Variants in KIRREL3 observed in about 807,000 individuals in gnomAD.
KIRREL3 encodes kirre like nephrin family adhesion molecule 3.
KIRREL3 carries 36 observed loss-of-function variants against 89.7 expected under a neutral mutation model. That is an observed-to-expected ratio of 0.40 (90% confidence interval 0.31 to 0.53). The LOEUF (loss-of-function observed/expected upper bound fraction) is 0.53, where lower values mean the gene tolerates loss of function less well. KIRREL3 is among the 20% of genes least tolerant of loss of function. The pLI is 0.49. For synonymous variants in KIRREL3, 445 were observed against 441.4 expected (o/e 1.01, Z -0.10); for missense variants, 864 against 1,056.6 (o/e 0.82, Z 2.53).
intron 7 of KIRREL3, among the ~76,000 whole-genome samples, chr11:126,450,450 C>T (rs1956010649): frequency 1.5e-5 from 2 of 130,312 alleles, no homozygotes; most frequent in African/African-American, 3.4e-5. Context: ...TGTATGTGCG[C>T]ATCTGTGAGT....
At chr11:126,854,489 T>C (rs1944445403) in intron 1 of KIRREL3, among the ~76,000 whole-genome samples, 3 of 152,216 alleles carry the variant, frequency 2.0e-5, no homozygotes, top group African/African-American at 7.2e-5. Context: ...TTGTTCTTCT[T>C]TGTCTGGCTT....
At chr11:126,770,962 A>C (rs1171080007) in intron 1 of KIRREL3, among the ~76,000 whole-genome samples, 1 of 152,062 alleles carries the variant, frequency 6.6e-6, no homozygotes, top group Non-Finnish European at 1.5e-5. Context: ...CAGCCTCCCG[A>C]GTAGCTGGGA....
chr11:126,898,058 A>G lies in KIRREL3; in HGVS notation c.55+102397T>C, dbSNP rs936024434. ...GGCCTGGAGCTCACATGGGTTGGGA[A>G]GTTTGGACAACTGTCTTGTAGAATC... On this transcript the variant is annotated intron_variant, in intron 1 of 16. Transcript: ENST00000525144. This position sits in a 1 kb window ranked among gnomAD's most constrained non-coding sequence, Gnocchi z 4.9. 6.6e-6 allele frequency among the ~76,000 whole-genome samples: 1 copy of G among 152,152 alleles called. No individual in the cohort carries two copies. The highest frequency in any genetic ancestry group is 2.4e-5 in the African/African-American group (1 of 41,436).
rs1945838811 is a variant in KIRREL3, at chr11:126,669,501, G to A, written c.56-106589C>T. ...TATGTATTTAAGGGCTTAATCATGG[G>A]CGGTTAGATTTTTAACTTCTGGTTC... On this transcript the variant is annotated intron_variant, in intron 1 of 16. Transcript: ENST00000525144. The surrounding 1 kb of genome is among the most constrained non-coding windows in gnomAD (Gnocchi z 5.0). Among the ~76,000 whole-genome samples the A allele has an allele frequency of 6.6e-6, 1 of 152,144 alleles. No homozygotes were observed. Among genetic ancestry groups the A allele is most frequent in the African/African-American group, 2.4e-5 (1 of 41,426 alleles).
At chr11:126,426,897 C>A (rs957885427) in intron 15 of KIRREL3, among the ~76,000 whole-genome samples, 1 of 152,222 alleles carries the variant, frequency 6.6e-6, no homozygotes, top group African/African-American at 2.4e-5. Flanking sequence ...TCTTTCCCAT[C>A]AGATTCAACT....
In KIRREL3 at chr11:126,587,847, A is replaced by T. The variant is rs537340853; in HGVS notation, c.56-24935T>A. On this transcript the variant is annotated intron_variant, in intron 1 of 16. Transcript: ENST00000525144. This position sits in a 1 kb window ranked among gnomAD's most constrained non-coding sequence, Gnocchi z 5.2. ...AATTCTTATTGCCATCTATCTTTTC[A>T]CTTCTTTTTAGTTTTCATGAGAGTG... is the stretch of plus-strand genomic sequence containing the variant. 4.6e-5 allele frequency among the ~76,000 whole-genome samples: 7 copies of T among 152,296 alleles called. No individual in the cohort carries two copies. In the South Asian group the frequency reaches 1.5e-3, roughly 32 times the overall value.
In KIRREL3 at chr11:126,844,590, C is replaced by G. The variant is rs1238700583; in HGVS notation, c.55+155865G>C. Among the ~76,000 whole-genome samples the G allele has an allele frequency of 6.6e-6, 1 of 152,092 alleles. No individual in the cohort carries two copies. The highest frequency in any genetic ancestry group is 1.5e-5 in the Non-Finnish European group (1 of 68,006). On this transcript the variant is annotated intron_variant, in intron 1 of 16. Transcript: ENST00000525144. This position sits in a 1 kb window ranked among gnomAD's most constrained non-coding sequence, Gnocchi z 4.8. ...GGCTCCTCTCCATAAAAGGCAAGGA[C>G]ACTTGACCGAACTTGAGTTTGAGGC...
At position 126,969,866 on chromosome 11, in the gene KIRREL3, A is replaced by G. The variant is rs769997491; in HGVS notation, c.55+30589T>C. ...CTCCTTTCTCTCTACTCTGCATGGA[A>G]ATGCAAAATGCTGGAGTCCAAACAC... is the stretch of plus-strand genomic sequence containing the variant. On this transcript the variant is annotated intron_variant, in intron 1 of 16. Coordinates refer to ENST00000525144, the MANE Select transcript of KIRREL3 (RefSeq NM_032531.4). The surrounding 1 kb of genome is among the most constrained non-coding windows in gnomAD (Gnocchi z 4.9). Among the ~76,000 whole-genome samples the G allele has an allele frequency of 9.2e-5, 14 of 152,322 alleles. No homozygotes were observed. Among genetic ancestry groups the G allele is most frequent in the African/African-American group, 2.4e-4 (10 of 41,578 alleles).
chr11:126,983,386 A>G lies in KIRREL3; in HGVS notation c.55+17069T>C, dbSNP rs1304289574. ...CGTCTGCCTTTGGTTCTTGCGGTAGACAGAATAATGGCCGCCAAAGATGCC... is the reference window on the plus strand; with the variant it reads ...CGTCTGCCTTTGGTTCTTGCGGTAGGCAGAATAATGGCCGCCAAAGATGCC... On this transcript the variant is annotated intron_variant, in intron 1 of 16. Coordinates refer to ENST00000525144, the MANE Select transcript of KIRREL3 (RefSeq NM_032531.4). The surrounding 1 kb of genome is among the most constrained non-coding windows in gnomAD (Gnocchi z 4.9). 6.6e-6 allele frequency among the ~76,000 whole-genome samples: 1 copy of G among 152,204 alleles called. No individual in the cohort carries two copies. The highest frequency in any genetic ancestry group is 1.5e-5 in the Non-Finnish European group (1 of 68,044).
intron 1 of KIRREL3, among the ~76,000 whole-genome samples, chr11:126,583,610 T>C (rs561123347): frequency 1.7e-4 from 26 of 152,306 alleles, no homozygotes; most frequent in Non-Finnish European, 2.9e-4. Flanking sequence ...CACTTATTAA[T>C]TGTGGGACCC....
rs866722909 is a variant in KIRREL3 at position 126,477,624 on chromosome 11, A to G, written c.434-4158T>C. Among the ~76,000 whole-genome samples, 22 of 152,024 alleles carry G rather than the reference A, an allele frequency of 1.4e-4. No individual in the cohort carries two copies. The South Asian group carries it at 1.9e-3, about 13-fold the overall frequency. ...CCTCTATACTCCCCTTTTTTTAGAG[A>G]CAGTTTGCCAGGTTGGCCAGCCTCG... On this transcript the variant is annotated intron_variant, in intron 4 of 16. Coordinates refer to ENST00000525144, the MANE Select transcript of KIRREL3 (RefSeq NM_032531.4). This position sits in a 1 kb window ranked among gnomAD's most constrained non-coding sequence, Gnocchi z 4.8.
chr11:126,698,720 T>C (rs1401111696), intron 1 of KIRREL3, among the ~76,000 whole-genome samples: 2 of 152,242 alleles, frequency 1.3e-5, no homozygotes, highest in African/African-American at 2.4e-5. Context: ...TCAGCTCAGC[T>C]GGCCTGAGGA....
rs73633780 is a variant in KIRREL3 at position 126,535,479 on chromosome 11, G to A, written c.134-8792C>T. 0.14 allele frequency among the ~76,000 whole-genome samples: 21,198 copies of A among 152,184 alleles called. 1,677 individuals are homozygous for A. The highest frequency in any genetic ancestry group is 0.2 in the Middle Eastern group (60 of 294). On this transcript the variant is annotated intron_variant, in intron 2 of 16. Transcript: ENST00000525144. This position sits in a 1 kb window ranked among gnomAD's most constrained non-coding sequence, Gnocchi z 4.5. Reference sequence around the variant, plus strand: ...CCCTCAATCCCTAATTATTTCCTGAGGGGGAAGAGTCATTTTGCCATGGAA... The same window carrying A: ...CCCTCAATCCCTAATTATTTCCTGAAGGGGAAGAGTCATTTTGCCATGGAA...
rs1213849175 is a variant in KIRREL3, at chr11:126,912,665, C to T, written c.55+87790G>A. Among the ~76,000 whole-genome samples the T allele has an allele frequency of 6.6e-6, 1 of 152,242 alleles. No individual in the cohort carries two copies. The highest frequency in any genetic ancestry group is 2.4e-5 in the African/African-American group (1 of 41,466). ...GGCCATGCTGGGTAGCAATGGGGCT[C>T]CTGCCCCTGCTGTTCATCATGTTTC... On this transcript the variant is annotated intron_variant, in intron 1 of 16. Coordinates refer to ENST00000525144, the MANE Select transcript of KIRREL3 (RefSeq NM_032531.4). This position sits in a 1 kb window ranked among gnomAD's most constrained non-coding sequence, Gnocchi z 4.7.
In KIRREL3 at chr11:126,763,688, G is replaced by T. The variant is rs1949732703; in HGVS notation, c.56-200776C>A. Among the ~76,000 whole-genome samples, 2 of 152,182 alleles carry T rather than the reference G, an allele frequency of 1.3e-5. No homozygotes were observed. The highest frequency in any genetic ancestry group is 6.5e-5 in the Admixed American group (1 of 15,288). ...ATACTTGCTGCATGACCTTCAATGAGTTCCCACGCTTTTGAGCCTTTGTTT... is the reference window on the plus strand; with the variant it reads ...ATACTTGCTGCATGACCTTCAATGATTTCCCACGCTTTTGAGCCTTTGTTT... On this transcript the variant is annotated intron_variant, in intron 1 of 16. Coordinates refer to ENST00000525144, the MANE Select transcript of KIRREL3 (RefSeq NM_032531.4). The surrounding 1 kb of genome is among the most constrained non-coding windows in gnomAD (Gnocchi z 4.7).
At chr11:126,433,356 G>T (rs1955204826) in intron 13 of KIRREL3, among the ~76,000 whole-genome samples, 1 of 152,224 alleles carries the variant, frequency 6.6e-6, no homozygotes, top group Non-Finnish European at 1.5e-5. Flanking sequence ...CCTGGCCTCT[G>T]AAGATGCTGC....
intron 1 of KIRREL3, among the ~76,000 whole-genome samples, chr11:126,631,386 C>T (rs1367975412): frequency 1.3e-5 from 2 of 152,174 alleles, no homozygotes; most frequent in South Asian, 2.1e-4. Flanking sequence ...CTGGAATTCT[C>T]AAACCCCAGC....
intron 4 of KIRREL3, among the ~76,000 whole-genome samples, chr11:126,503,550 C>T (rs1244536969): frequency 1.3e-5 from 2 of 152,132 alleles, no homozygotes; most frequent in Non-Finnish European, 2.9e-5. Context: ...AGGAACCCAA[C>T]CCTTCTGAGC....
rs950893861 is a variant in KIRREL3 at position 126,429,438 on chromosome 11, T to C, written c.1697-150A>G. 1.1e-5 allele frequency: 7 copies of C among 642,416 alleles called. No homozygotes were observed. The highest frequency in any genetic ancestry group is 2.5e-4 in the Middle Eastern group (1 of 3,962). The allele number at this position is 642,416 out of a possible 1,614,324, so 39.8% of individuals were successfully genotyped here. A position where few individuals can be genotyped will look rare whatever the true frequency, so the allele number is the denominator to read the frequency against. On this transcript the variant is annotated intron_variant, in intron 14 of 16. Transcript: ENST00000525144. The surrounding 1 kb of genome is among the most constrained non-coding windows in gnomAD (Gnocchi z 5.2). ...AGCAGCTTCACCAGCCCCCCACCAA[T>C]AGAACCTCCATATGGAGATGCTGTG...
Sources: gnomAD v4.1 joint callset for allele counts (sites outside exome capture counted in the v4.1 genomes callset) on GRCh38, gnomAD v4.1.1 for gene constraint, Gnocchi (gnomAD v3.1) non-coding constraint, MANE v1.5 for transcripts, NCBI Gene and HGNC (gene_info 2026-07-23, HGNC 2026-07-21) for gene names.